The following HIVEP1 variants were observed in gnomAD, a reference collection of about 807,000 sequenced individuals.
HIVEP1 encodes the protein HIVEP zinc finger 1, also known as zinc finger protein 40.
In HIVEP1, 36 loss-of-function variants were observed where a neutral mutation model predicts 180.0. The ratio of observed to expected loss-of-function variants is 0.20; its 90% CI spans 0.15 to 0.26. The LOEUF (loss-of-function observed/expected upper bound fraction) is 0.26, where lower values mean the gene tolerates loss of function less well. Among genes scored for constraint, HIVEP1 ranks in the 10% least tolerant of loss-of-function variants. The probability of loss-of-function intolerance (pLI) is 1.00; values close to 1 mark genes in which losing one functional copy is unlikely to be tolerated. For missense variants in HIVEP1, 3,143 were observed against 3,268.7 expected (o/e 0.96, Z 0.94); for synonymous variants, 1,239 against 1,239.0 (o/e 1.00, Z 0.00).
At chr6:12,129,705 G>A (rs1230163898) in intron 4 of HIVEP1, 54 bp from the exon 5 acceptor site, 2 of 1,387,782 alleles carry the variant, frequency 1.4e-6, no homozygotes, top group African/African-American at 2.8e-5. Context: ...TGAAAGATTA[G>A]CATGCTTGTG....
rs78921557 is a variant in HIVEP1, at chr6:12,063,731, G to C, written c.41-25453G>C. Among the ~76,000 whole-genome samples, 3,850 of 152,170 alleles carry C rather than the reference G, an allele frequency of 0.025. 171 individuals are homozygous for C. Among genetic ancestry groups the C allele is most frequent in the African/African-American group, 0.088 (3,650 of 41,486 alleles). On this transcript the variant is annotated intron_variant, in intron 2 of 8. Coordinates refer to ENST00000379388, the MANE Select transcript of HIVEP1 (RefSeq NM_002114.4). This position sits in a 1 kb window ranked among gnomAD's most constrained non-coding sequence, Gnocchi z 4.2. The stretch of plus-strand genomic sequence containing the variant: ...ACAGCACTTAATAAAGAACAGTGAA[G>C]GTTTTGAGAGGTGGTCACTGGGCAG...
At chr6:12,148,030 A>T (rs1170142263) in intron 7 of HIVEP1, among the ~76,000 whole-genome samples, 1 of 152,236 alleles carries the variant, frequency 6.6e-6, no homozygotes, top group Non-Finnish European at 1.5e-5. Flanking sequence ...TAAGAATGTT[A>T]TAAAGAGAGC....
chr6:12,058,497 T>TTTG (rs1175801085), intron 2 of HIVEP1, among the ~76,000 whole-genome samples: 1 of 152,166 alleles, frequency 6.6e-6, no homozygotes, highest in Non-Finnish European at 1.5e-5. Flanking sequence ...TCAAAATATG[T>TTTG]TTGTTGTTGT....
chr6:12,082,477 G>A (rs893291936), intron 2 of HIVEP1, among the ~76,000 whole-genome samples: 1 of 152,018 alleles, frequency 6.6e-6, no homozygotes, highest in African/African-American at 2.4e-5. Context: ...TTAAAAGATA[G>A]GGTTTTCTAA....
At chr6:12,203,546 T>C in the HIVEP1 span, among the ~76,000 whole-genome samples, 1 of 152,112 alleles carries the variant, frequency 6.6e-6, no homozygotes, top group African/African-American at 2.4e-5. Context: ...ATTATAGAGG[T>C]GACATGGGCA....
rs749057244 is a variant in HIVEP1 at position 12,122,759 on chromosome 6, A to T, written c.2964A>T (p.Pro988=). The T allele has an allele frequency of 3.7e-6, 6 of 1,611,334 alleles. No individual in the cohort carries two copies. In the African/African-American group the frequency reaches 8.0e-5, roughly 22 times the overall value. Residue 988 remains proline (P), a synonymous_variant, in exon 4 of 9, where the codon CCA becomes CCT. Transcript: ENST00000379388. The part of the protein sequence containing the change: ...KKFYCSELHG[P]KTKVAMREPE... ...TTTACTGTTCTGAGTTACATGGACC[A>T]AAAACAAAGGTAGCCATGAGAGAAC...
At chr6:12,058,681 T>C (rs1240003200) in intron 2 of HIVEP1, among the ~76,000 whole-genome samples, 6 of 152,118 alleles carry the variant, frequency 3.9e-5, no homozygotes, top group Admixed American at 3.9e-4. Context: ...GTTTCCTAGG[T>C]GTGGCTCCAG....
rs536987478 is a variant in HIVEP1 at position 12,149,305 on chromosome 6, A to G, written c.6488-12134A>G. Among the ~76,000 whole-genome samples the G allele has an allele frequency of 5.3e-4, 81 of 152,346 alleles. 1 individual carries two copies. Among genetic ancestry groups the G allele is most frequent in the Admixed American group, 2.0e-3 (30 of 15,306 alleles). ...ATTTGGGAGACCTGATTGTAAATCT[A>G]AAAAGTCACAACCCCTGCCAGAGTT... is the stretch of plus-strand genomic sequence containing the variant. On this transcript the variant is annotated intron_variant, in intron 7 of 8. Coordinates refer to ENST00000379388, the MANE Select transcript of HIVEP1 (RefSeq NM_002114.4).
At chr6:12,054,366 A>G (rs904152846) in intron 2 of HIVEP1, among the ~76,000 whole-genome samples, 5 of 152,214 alleles carry the variant, frequency 3.3e-5, no homozygotes, top group Non-Finnish European at 4.4e-5. Context: ...TAACTGTACC[A>G]TCCAGAAATA....
chr6:12,027,218 A>G (rs960010445), intron 2 of HIVEP1, among the ~76,000 whole-genome samples: 22 of 152,350 alleles, frequency 1.4e-4, no homozygotes, highest in African/African-American at 5.3e-4. Context: ...TTGGGAATAA[A>G]TGAGAATGCT....
the HIVEP1 span, among the ~76,000 whole-genome samples, chr6:12,209,233 AC>A: frequency 1.3e-5 from 2 of 152,182 alleles, no homozygotes; most frequent in Non-Finnish European, 2.9e-5. Flanking sequence ...GGAGATCGAG[AC>A]CATCCTGGCT....
chr6:12,208,488 G>A, the HIVEP1 span, among the ~76,000 whole-genome samples: 1 of 152,190 alleles, frequency 6.6e-6, no homozygotes, highest in Non-Finnish European at 1.5e-5. Flanking sequence ...ACCACAGTAT[G>A]AGCGGCCACA....
At chr6:12,061,868 C>T (rs180906987) in intron 2 of HIVEP1, among the ~76,000 whole-genome samples, 26 of 152,114 alleles carry the variant, frequency 1.7e-4, no homozygotes, top group South Asian at 4.2e-4. Context: ...ATCTATTTCT[C>T]GTGAGGAAAT....
intron 2 of HIVEP1, among the ~76,000 whole-genome samples, chr6:12,028,432 G>A (rs1768725137): frequency 6.6e-6 from 1 of 152,214 alleles, no homozygotes; most frequent in Non-Finnish European, 1.5e-5. Context: ...ACATATGTAA[G>A]GAGATGTATG....
intron 2 of HIVEP1, among the ~76,000 whole-genome samples, chr6:12,059,201 C>G (rs1771069974): frequency 6.6e-6 from 1 of 152,112 alleles, no homozygotes; most frequent in Non-Finnish European, 1.5e-5. Flanking sequence ...CTGTACCTAG[C>G]TAATTTTTGT....
chr6:12,152,108 A>T (rs772234098), intron 7 of HIVEP1, among the ~76,000 whole-genome samples: 1 of 152,172 alleles, frequency 6.6e-6, no homozygotes, highest in Non-Finnish European at 1.5e-5. Flanking sequence ...GTGAGCCAGG[A>T]TTATGCCACT....
downstream of HIVEP1, among the ~76,000 whole-genome samples, chr6:12,168,223 T>G (rs1407149834): frequency 3.3e-5 from 2 of 59,942 alleles, no homozygotes; most frequent in East Asian, 4.2e-4. Context: ...TATATACATA[T>G]ATTATATACA....
chr6:12,009,528 G>A (rs1767174125), upstream of HIVEP1, among the ~76,000 whole-genome samples: 1 of 152,184 alleles, frequency 6.6e-6, no homozygotes, highest in Non-Finnish European at 1.5e-5. Context: ...ATTTTTGACA[G>A]TTGAAACTGC....
At chr6:12,186,562 GGC>G in the HIVEP1 span, among the ~76,000 whole-genome samples, 2 of 54,048 alleles carry the variant, frequency 3.7e-5, no homozygotes, top group Admixed American at 1.5e-4. Flanking sequence ...AAAAAAAAAA[GGC>G]GTATACTAAC....
Sources: allele counts gnomAD v4.1 joint callset (sites outside exome capture counted in the v4.1 genomes callset), GRCh38; gene constraint gnomAD v4.1.1; non-coding constraint Gnocchi (gnomAD v3.1); transcripts MANE v1.5; gene names NCBI Gene and HGNC (gene_info 2026-07-23, HGNC 2026-07-21).